Variants in TCF7L2 observed in about 807,000 individuals in gnomAD.
TCF7L2 encodes transcription factor 7-like 2.
TCF7L2 carries 23 observed loss-of-function variants against 77.9 expected under a neutral mutation model. The ratio of observed to expected loss-of-function variants is 0.30; its 90% CI spans 0.21 to 0.42. The LOEUF is 0.42. Among genes scored for constraint, TCF7L2 ranks in the 10% least tolerant of loss-of-function variants. The pLI is 1.00. For synonymous variants in TCF7L2, 413 were observed against 340.2 expected (o/e 1.21, Z -2.36); for missense variants, 654 against 793.1 (o/e 0.82, Z 2.11).
In TCF7L2 at chr10:112,964,760, ATGGTGGTGGTGGTGG is replaced by A. The variant is rs1386228076; in HGVS notation, c.450+139_450+153del. 26 of 407,470 alleles carry A rather than the reference ATGGTGGTGGTGGTGG, an allele frequency of 6.4e-5. No individual in the cohort carries two copies. The African/African-American group carries it at 8.3e-4, about 13-fold the overall frequency. 25.2% of individuals were successfully genotyped at this position (407,470 alleles called of 1,614,324 possible). ...GATGATGGTGGTGGTGGTGGTGGTGATGGTGGTGGTGGTGGTGATGGTGGTGGTGGTGATGGTGGT... is the reference window on the plus strand; with the variant it reads ...GATGATGGTGGTGGTGGTGGTGGTGATGATGGTGGTGGTGGTGATGGTGGT... On this transcript the variant is annotated intron_variant, in intron 4 of 13. Coordinates refer to ENST00000627217, the MANE Select transcript of TCF7L2 (RefSeq NM_001146274.2).
At chr10:113,025,083 G>A (rs2048910639) in intron 4 of TCF7L2, among the ~76,000 whole-genome samples, 1 of 151,948 alleles carries the variant, frequency 6.6e-6, no homozygotes, top group Non-Finnish European at 1.5e-5. Flanking sequence ...AATGAGATAG[G>A]GTCTTGCTCT....
At chr10:113,107,752 T>TAAAAAAAAAAAAA (rs398014821) in intron 5 of TCF7L2, among the ~76,000 whole-genome samples, 51 of 55,218 alleles carry the variant, frequency 9.2e-4, no homozygotes, top group Admixed American at 1.2e-3. Context: ...AGACTCCGTC[T>TAAAAAAAAAAAAA]AAAAAAAAAA....
intron 4 of TCF7L2, among the ~76,000 whole-genome samples, chr10:112,965,560 A>G (rs780758974): frequency 6.6e-6 from 1 of 151,052 alleles, no homozygotes; most frequent in Non-Finnish European, 1.5e-5. Flanking sequence ...TTGTTAGATC[A>G]TTTGTGTTAT....
intron 5 of TCF7L2, among the ~76,000 whole-genome samples, chr10:113,138,613 TATTA>T (rs1478810531): frequency 2.6e-5 from 4 of 152,128 alleles, no homozygotes; most frequent in Admixed American, 6.5e-5. Context: ...ATAAAAATAA[TATTA>T]ATAATAAACC....
At chr10:113,114,460 TGGAGTCAATG>T (rs2063492305) in intron 5 of TCF7L2, among the ~76,000 whole-genome samples, 1 of 152,112 alleles carries the variant, frequency 6.6e-6, no homozygotes, top group Non-Finnish European at 1.5e-5. Flanking sequence ...GCGCCCTTAG[TGGAGTCAATG>T]GTGTGTGGGC....
At position 112,985,864 on chromosome 10, in the gene TCF7L2, G is replaced by T. The variant is rs1012613878; in HGVS notation, c.450+21240G>T. ...GCTTGGAAAGAAGCCTGTAGTTTGT[G>T]TGTGTGTGTGTGTGTGTGTGTGTGT... is the stretch of plus-strand genomic sequence containing the variant. On this transcript the variant is annotated intron_variant, in intron 4 of 13. Coordinates refer to ENST00000627217, the MANE Select transcript of TCF7L2 (RefSeq NM_001146274.2). 7.4e-4 allele frequency among the ~76,000 whole-genome samples: 105 copies of T among 142,274 alleles called. 1 individual carries two copies. Among genetic ancestry groups the T allele is most frequent in the African/African-American group, 2.8e-3 (100 of 36,264 alleles). The allele number at this position is 142,274 out of a possible 152,430, so 93.3% of individuals were successfully genotyped here.
chr10:113,033,225 T>TTCTC (rs146477223), intron 4 of TCF7L2, among the ~76,000 whole-genome samples: 1 of 149,174 alleles, frequency 6.7e-6, no homozygotes, highest in Admixed American at 6.7e-5. Flanking sequence ...CTTCTGCTGC[T>TTCTC]TCTCTCTCTC....
intron 11 of TCF7L2, among the ~76,000 whole-genome samples, chr10:113,152,788 G>C (rs143926908): frequency 6.6e-6 from 1 of 152,184 alleles, no homozygotes; most frequent in Non-Finnish European, 1.5e-5. Flanking sequence ...ATTAGGTTCC[G>C]CAGGCTCCTC....
At chr10:113,074,079 G>A (rs1285836827) in intron 5 of TCF7L2, among the ~76,000 whole-genome samples, 1 of 152,214 alleles carries the variant, frequency 6.6e-6, no homozygotes, top group Admixed American at 6.5e-5. Context: ...GGCGGTCGCA[G>A]GCTGACTAAC....
intron 11 of TCF7L2, chr10:113,157,774 A>G (rs1412754366): frequency 2.2e-5 from 10 of 452,192 alleles, no homozygotes; most frequent in Non-Finnish European, 3.7e-5. Context: ...ATGAGAAATG[A>G]GAGCTTCCCT....
chr10:113,126,697 G>C (rs2065667535), intron 5 of TCF7L2: 1 of 985,552 alleles, frequency 1.0e-6, no homozygotes, highest in Non-Finnish European at 1.2e-6. Flanking sequence ...CATCTTGTCT[G>C]GCGGCGCTGC....
chr10:112,961,662 G>A (rs141424059), intron 3 of TCF7L2, among the ~76,000 whole-genome samples: 17 of 152,330 alleles, frequency 1.1e-4, no homozygotes, highest in African/African-American at 3.6e-4. Context: ...TTAAGTCCTT[G>A]TTGCAGTAGC....
chr10:113,141,099 A>G, intron 5 of TCF7L2, 85 bp from the exon 6 acceptor site: 5 of 1,561,260 alleles, frequency 3.2e-6, no homozygotes, highest in South Asian at 2.4e-5. Context: ...GGCTGTGGCC[A>G]AGGGAACCCA....
At chr10:113,054,190 A>T (rs2054956855) in intron 5 of TCF7L2, among the ~76,000 whole-genome samples, 1 of 152,266 alleles carries the variant, frequency 6.6e-6, no homozygotes, top group Admixed American at 6.5e-5. Context: ...GATTTGCATC[A>T]CAATGAGCCT....
In TCF7L2 at chr10:113,126,317, C is replaced by T. The variant is rs183881189; in HGVS notation, c.553-14867C>T. ...GCAGAAAACTTTGGAGTGAAGTGGT[C>T]CCTCCAAGTTTATCTAAATTCAGCG... On this transcript the variant is annotated intron_variant, in intron 5 of 13. Coordinates refer to ENST00000627217, the MANE Select transcript of TCF7L2 (RefSeq NM_001146274.2). Among the ~76,000 whole-genome samples, 612 of 152,168 alleles carry T rather than the reference C, an allele frequency of 4.0e-3. 3 individuals are homozygous for T. Among genetic ancestry groups the T allele is most frequent in the Non-Finnish European group, 7.1e-3 (480 of 68,008 alleles).
At chr10:113,035,886 A>C (rs1259078388) in intron 4 of TCF7L2, among the ~76,000 whole-genome samples, 1 of 152,170 alleles carries the variant, frequency 6.6e-6, no homozygotes. Flanking sequence ...AGTAGTTATG[A>C]CAGAGATTGT....
chr10:113,154,881 C>G (rs2071524659), intron 11 of TCF7L2, among the ~76,000 whole-genome samples: 1 of 152,154 alleles, frequency 6.6e-6, no homozygotes. Context: ...AACACACACA[C>G]TCACACTCAC....
intron 5 of TCF7L2, among the ~76,000 whole-genome samples, chr10:113,100,017 T>C (rs1012722092): frequency 6.6e-6 from 1 of 152,096 alleles, no homozygotes; most frequent in African/African-American, 2.4e-5. Flanking sequence ...CCTCTACCTC[T>C]CTCTTAGCAG....
At chr10:113,084,741 T>C (rs1192888525) in intron 5 of TCF7L2, among the ~76,000 whole-genome samples, 1 of 151,674 alleles carries the variant, frequency 6.6e-6, no homozygotes, top group Non-Finnish European at 1.5e-5. Context: ...CCAAAAAAAA[T>C]ACAAACATTA....
Sources: gnomAD v4.1 joint callset for allele counts (sites outside exome capture counted in the v4.1 genomes callset) on GRCh38, gnomAD v4.1.1 for gene constraint, MANE v1.5 for transcripts, NCBI Gene and HGNC (gene_info 2026-07-23, HGNC 2026-07-21) for gene names.